LRBA: variants seen among roughly 807,000 people sequenced by gnomAD.
LRBA encodes LPS responsive beige-like anchor protein, also known as lipopolysaccharide-responsive and beige-like anchor protein.
In LRBA, 176 loss-of-function variants were observed where a neutral mutation model predicts 330.0. That is an observed-to-expected ratio of 0.53 (90% CI 0.47 to 0.60). The LOEUF (loss-of-function observed/expected upper bound fraction) is 0.60, where lower values mean the gene tolerates loss of function less well. Ranked by LOEUF, LRBA falls within the 20% of genes least tolerant of loss-of-function variation. The pLI, the probability that LRBA is intolerant of heterozygous loss-of-function variation, is 0.00. For synonymous variants in LRBA, 1,230 were observed against 1,193.0 expected (o/e 1.03, Z -0.64); for missense variants, 3,259 against 3,444.8 (o/e 0.95, Z 1.35).
intron 46 of LRBA, among the ~76,000 whole-genome samples, chr4:150,419,771 G>A (rs1380015203): frequency 6.6e-6 from 1 of 150,420 alleles, no homozygotes; most frequent in Non-Finnish European, 1.5e-5. Context: ...CTTAGTAGCT[G>A]AGATTATAGG....
intron 56 of LRBA, among the ~76,000 whole-genome samples, chr4:150,270,044 G>A (rs1745860903): frequency 6.6e-6 from 1 of 152,174 alleles, no homozygotes; most frequent in African/African-American, 2.4e-5. Flanking sequence ...AAACCACAAT[G>A]AGAGACCACG....
intron 33 of LRBA, among the ~76,000 whole-genome samples, chr4:150,800,093 T>C (rs1273639927): frequency 6.6e-6 from 1 of 152,234 alleles, no homozygotes; most frequent in Non-Finnish European, 1.5e-5. Flanking sequence ...CACATTTCTG[T>C]TTATTTATTT....
At chr4:150,609,038 G>C (rs944120503) in intron 37 of LRBA, among the ~76,000 whole-genome samples, 1 of 152,072 alleles carries the variant, frequency 6.6e-6, no homozygotes, top group Non-Finnish European at 1.5e-5. Flanking sequence ...CATTTTGTGG[G>C]GATCTTTGGG....
In LRBA at chr4:150,599,136, A is replaced by G. The variant is rs550294073; in HGVS notation, c.5922-5T>C. On this transcript the variant is annotated splice_polypyrimidine_tract_variant and splice_region_variant and intron_variant, in intron 37 of 56. Transcript: ENST00000651943. ...CGCCAGAACTCAAGAGGACGACTAC[A>G]ATGAAACAGAGAAGCCACATATGTT... is the stretch of plus-strand genomic sequence containing the variant. The G allele has an allele frequency of 1.2e-6, 2 of 1,613,850 alleles. No individual in the cohort carries two copies. The highest frequency in any genetic ancestry group is 1.7e-6 in the Non-Finnish European group (2 of 1,179,864).
intron 36 of LRBA, among the ~76,000 whole-genome samples, chr4:150,701,294 C>T (rs933309764): frequency 1.1e-4 from 17 of 152,108 alleles, no homozygotes; most frequent in Non-Finnish European, 2.9e-5. Flanking sequence ...GGCTGTTCTA[C>T]AGTTAACATT....
At chr4:150,282,248 C>T (rs774136131) in intron 55 of LRBA, among the ~76,000 whole-genome samples, 7 of 152,204 alleles carry the variant, frequency 4.6e-5, no homozygotes, top group Non-Finnish European at 7.3e-5. Flanking sequence ...CGCTGAGTGA[C>T]GTGGTCAGCA....
Position 150,916,443 on chromosome 4 carries a change from T to C in LRBA, c.852A>G (p.Lys284=). ...LIVTSIKSKG[K]GFQHCVKFDF... ...CAAATTTCACACAGTGTTGAAAGCC[T>C]TTTCCTTTTGACTTTATTGATGTTA... is the stretch of plus-strand genomic sequence containing the variant. Residue 284 remains lysine (K), a synonymous_variant, in exon 7 of 57, where the codon AAA becomes AAG. Coordinates refer to ENST00000651943, the MANE Select transcript of LRBA (RefSeq NM_001364905.1). The C allele has an allele frequency of 6.2e-7, 1 of 1,613,330 alleles. No individual in the cohort carries two copies. The highest frequency in any genetic ancestry group is 1.1e-5 in the South Asian group (1 of 91,026).
intron 2 of LRBA, among the ~76,000 whole-genome samples, chr4:150,931,401 C>T (rs1434257039): frequency 6.7e-6 from 1 of 150,372 alleles, no homozygotes; most frequent in East Asian, 1.9e-4. Flanking sequence ...TTTATAATTA[C>T]ATATCTATAT....
intron 48 of LRBA, among the ~76,000 whole-genome samples, chr4:150,344,059 T>A (rs938005102): frequency 6.6e-6 from 1 of 152,212 alleles, no homozygotes; most frequent in Non-Finnish European, 1.5e-5. Context: ...CAGAGCTTGA[T>A]AGTGTATTAC....
intron 4 of LRBA, among the ~76,000 whole-genome samples, chr4:150,921,516 C>G (rs1733270096): frequency 6.6e-6 from 1 of 152,092 alleles, no homozygotes. Flanking sequence ...TAAATATGAG[C>G]CAGTATCATT....
chr4:150,922,721 T>G (rs529204147), intron 4 of LRBA, among the ~76,000 whole-genome samples: 1 of 152,040 alleles, frequency 6.6e-6, no homozygotes, highest in South Asian at 2.1e-4. Context: ...ACTAAAGAAC[T>G]TACTCATGTA....
chr4:151,003,113 T>A (rs1436125153), intron 2 of LRBA, among the ~76,000 whole-genome samples: 1 of 151,234 alleles, frequency 6.6e-6, no homozygotes, highest in Non-Finnish European at 1.5e-5. Context: ...AAAACAATCC[T>A]GGTCAGGCAC....
At chr4:150,932,296 A>C (rs988816288) in intron 2 of LRBA, among the ~76,000 whole-genome samples, 1 of 151,906 alleles carries the variant, frequency 6.6e-6, no homozygotes, top group African/African-American at 2.4e-5. Flanking sequence ...TCATTACATA[A>C]GCACAAATAG....
rs190008485 is a variant in LRBA, at chr4:150,992,446, C to T, written c.216+21981G>A. ...GATTAGCCATGTGAGAGACAGTAAA[C>T]GAAGTGTAGGATGAGTTAGAGCATC... On this transcript the variant is annotated intron_variant, in intron 2 of 56. Transcript: ENST00000651943. Among the ~76,000 whole-genome samples the T allele has an allele frequency of 2.0e-3, 297 of 151,954 alleles. 3 individuals carry two copies. The Middle Eastern group carries it at 0.034, about 17-fold the overall frequency.
intron 40 of LRBA, among the ~76,000 whole-genome samples, chr4:150,501,717 A>T (rs1415101218): frequency 1.3e-5 from 2 of 152,218 alleles, no homozygotes; most frequent in African/African-American, 4.8e-5. Context: ...AAAAATTTTT[A>T]AAAATCAAAT....
chr4:150,947,869 T>C (rs963281078), intron 2 of LRBA, among the ~76,000 whole-genome samples: 1 of 152,082 alleles, frequency 6.6e-6, no homozygotes, highest in Non-Finnish European at 1.5e-5. Context: ...AAGGAACATG[T>C]GGGCAATGAC....
chr4:151,007,448 T>C (rs569357928), intron 2 of LRBA, among the ~76,000 whole-genome samples: 183 of 145,566 alleles, frequency 1.3e-3, no homozygotes, highest in Middle Eastern at 7.3e-3. Flanking sequence ...GAGCTTTCAG[T>C]GAGCGGAGAT....
At chr4:150,681,226 T>C (rs1250205362) in intron 37 of LRBA, among the ~76,000 whole-genome samples, 1 of 152,212 alleles carries the variant, frequency 6.6e-6, no homozygotes, top group Non-Finnish European at 1.5e-5. Context: ...TCTAGAATTA[T>C]GCTAAGTGAA....
At chr4:150,356,934 G>C (rs1737920054) in intron 47 of LRBA, among the ~76,000 whole-genome samples, 2 of 151,878 alleles carry the variant, frequency 1.3e-5, no homozygotes, top group Admixed American at 6.6e-5. Flanking sequence ...GTGACATTAA[G>C]ATCAATAAGT....
Sources: gnomAD v4.1 joint callset for allele counts (sites outside exome capture counted in the v4.1 genomes callset) on GRCh38, gnomAD v4.1.1 for gene constraint, MANE v1.5 for transcripts, NCBI Gene and HGNC (gene_info 2026-07-23, HGNC 2026-07-21) for gene names.